Variants in KIF1B observed in about 807,000 individuals in gnomAD.
The protein encoded by KIF1B is kinesin-like protein KIF1B.
KIF1B carries 76 observed loss-of-function variants against 241.9 expected under a neutral mutation model. The observed-to-expected ratio is 0.31, with a 90% CI of 0.26 to 0.38. The LOEUF (loss-of-function observed/expected upper bound fraction) is 0.38, where lower values mean the gene tolerates loss of function less well. Ranked by LOEUF, KIF1B falls within the 10% of genes least tolerant of loss-of-function variation. The probability of loss-of-function intolerance (pLI) is 1.00; values close to 1 mark genes in which losing one functional copy is unlikely to be tolerated. For synonymous variants in KIF1B, 750 were observed against 796.7 expected (o/e 0.94, Z 0.99); for missense variants, 1,622 against 2,271.4 (o/e 0.71, Z 5.81).
intron 36 of KIF1B, among the ~76,000 whole-genome samples, chr1:10,348,066 T>C (rs1005650325): frequency 6.6e-6 from 1 of 152,210 alleles, no homozygotes; most frequent in Admixed American, 6.5e-5. Context: ...AAAAATATTT[T>C]GTTTCATTCA....
intron 45 of KIF1B, among the ~76,000 whole-genome samples, chr1:10,373,250 C>T (rs953894364): frequency 7.2e-6 from 1 of 138,700 alleles, no homozygotes; most frequent in African/African-American, 2.8e-5. Flanking sequence ...TGAGCCACTG[C>T]GCCGGCCTTT....
At position 10,303,600 on chromosome 1, in the gene KIF1B, C is replaced by T. The variant is rs763448385; in HGVS notation, c.2115+6354C>T. 2.8e-5 allele frequency: 46 copies of T among 1,614,106 alleles called. No homozygotes were observed. Among genetic ancestry groups the T allele is most frequent in the Non-Finnish European group, 2.4e-5 (28 of 1,180,028 alleles). ...GTGTTGGGGATGAGAAGATCGAAGA[C>T]GTCATGGCCACTGGGAAAGGCAGCA... On this transcript the variant is annotated intron_variant, in intron 22 of 48. Coordinates refer to ENST00000676179, the MANE Select transcript of KIF1B (RefSeq NM_001365951.3). The surrounding 1 kb of genome is among the most constrained non-coding windows in gnomAD (Gnocchi z 5.2).
intron 22 of KIF1B, among the ~76,000 whole-genome samples, chr1:10,300,288 C>CT (rs1362442226): frequency 7.5e-6 from 1 of 134,018 alleles, no homozygotes; most frequent in Non-Finnish European, 1.7e-5. Context: ...ATAAAAAATT[C>CT]TTTTTTTGAC....
At chr1:10,308,194 C>G (rs1445018017) in intron 22 of KIF1B, 3 of 1,061,752 alleles carry the variant, frequency 2.8e-6, no homozygotes, top group African/African-American at 1.6e-5. Flanking sequence ...GGCGGGGATG[C>G]TGCCTGTGTC....
In KIF1B at chr1:10,291,077, C is replaced by G; in HGVS notation, c.1435-5C>G. 1.2e-6 allele frequency: 2 copies of G among 1,611,530 alleles called. No individual in the cohort carries two copies. Among genetic ancestry groups the G allele is most frequent in the Non-Finnish European group, 1.7e-6 (2 of 1,178,106 alleles). Reference sequence around the variant, plus strand: ...GCCTCTTTAACTGTGCGCTTCCTTCCTTAGGAATCAGAGAAGATCATTGCT... The same window carrying G: ...GCCTCTTTAACTGTGCGCTTCCTTCGTTAGGAATCAGAGAAGATCATTGCT... On this transcript the variant is annotated splice_region_variant and splice_polypyrimidine_tract_variant and intron_variant, in intron 15 of 48. Transcript: ENST00000676179.
At chr1:10,304,207 G>T in intron 22 of KIF1B, 1 of 1,614,182 alleles carries the variant, frequency 6.2e-7, no homozygotes, top group Non-Finnish European at 8.5e-7. Flanking sequence ...CCAAGAAAAA[G>T]GGGGTAAAGG....
chr1:10,274,914 G>A (rs1370205339), intron 10 of KIF1B: 2 of 395,792 alleles, frequency 5.1e-6, no homozygotes, highest in African/African-American at 4.3e-5. Context: ...TTCCTTCACA[G>A]TAAGAAAAAG....
chr1:10,250,993 C>A (rs1234434734), intron 2 of KIF1B, among the ~76,000 whole-genome samples: 1 of 151,892 alleles, frequency 6.6e-6, no homozygotes, highest in Admixed American at 6.6e-5. Context: ...ATGGTGAAAC[C>A]CTGTCTCTAG....
chr1:10,232,155 CAG>C lies in KIF1B; in HGVS notation c.-79-93_-79-92del. Reference sequence around the variant, plus strand: ...TGAATATCGTTTTTATAAATGGAAACAGAAATAGAACTAAGATAGTAGTTCTT... The same window carrying C: ...TGAATATCGTTTTTATAAATGGAAACAAATAGAACTAAGATAGTAGTTCTT... On this transcript the variant is annotated intron_variant, in intron 1 of 48. Transcript: ENST00000676179. The C allele has an allele frequency of 2.0e-5, 12 of 589,982 alleles. No individual in the cohort carries two copies. The South Asian group carries it at 2.2e-4, about 11-fold the overall frequency. 36.5% of individuals were successfully genotyped at this position (589,982 alleles called of 1,614,324 possible).
Position 10,295,172 on chromosome 1 carries a change from T to G in KIF1B, c.1670+7T>G, listed in dbSNP as rs1287303863. 1 of 1,538,812 alleles carries G rather than the reference T, an allele frequency of 6.5e-7. No individual in the cohort carries two copies. The highest frequency in any genetic ancestry group is 1.7e-5 in the Admixed American group (1 of 59,912). ...TCAAAGATGGAATTACAAGGTATAT[T>G]TATTTCCTGTTTTGGTCACTTCGTG... On this transcript the variant is annotated splice_region_variant and intron_variant, in intron 18 of 48. Coordinates refer to ENST00000676179, the MANE Select transcript of KIF1B (RefSeq NM_001365951.3).
rs767174966 is a variant in KIF1B, at chr1:10,363,237, T to G, written c.4305-46T>G. ...TAGCAGAAATTGAAATTTTCCTGTT[T>G]TTGTGCTTTAAGAGATTAAACAATT... On this transcript the variant is annotated intron_variant, in intron 40 of 48. Coordinates refer to ENST00000676179, the MANE Select transcript of KIF1B (RefSeq NM_001365951.3). 113 of 1,462,280 alleles carry G rather than the reference T, an allele frequency of 7.7e-5. 1 individual carries two copies. The South Asian group carries it at 1.2e-3, about 15-fold the overall frequency. The allele number at this position is 1,462,280 out of a possible 1,614,324, so 90.6% of individuals were successfully genotyped here.
intron 5 of KIF1B, among the ~76,000 whole-genome samples, chr1:10,262,960 C>T (rs1217142992): frequency 6.6e-6 from 1 of 152,164 alleles, no homozygotes; most frequent in Non-Finnish European, 1.5e-5. Flanking sequence ...ACTTTATACA[C>T]ATTTGCTTAT....
intron 48 of KIF1B, 128 bp downstream of exon 48, chr1:10,375,501 AG>A: frequency 1.3e-6 from 1 of 765,490 alleles, no homozygotes; most frequent in Admixed American, 1.9e-5. Context: ...CTCCTGACTC[AG>A]CCTCCCCAGT....
intron 43 of KIF1B, among the ~76,000 whole-genome samples, chr1:10,366,785 A>G (rs887798231): frequency 1.3e-5 from 2 of 152,152 alleles, no homozygotes; most frequent in Admixed American, 6.5e-5. Flanking sequence ...ATCCTGGCCA[A>G]CATGGTGAAA....
intron 23 of KIF1B, among the ~76,000 whole-genome samples, chr1:10,320,636 C>A (rs769754220): frequency 7.2e-5 from 11 of 152,196 alleles, no homozygotes; most frequent in African/African-American, 2.4e-4. Flanking sequence ...TACCACAATT[C>A]GTTTTTCTAC....
rs758132002 is a variant in KIF1B at position 10,272,344 on chromosome 1, G to C, written c.864+38G>C. On this transcript the variant is annotated intron_variant, in intron 9 of 48. Coordinates refer to ENST00000676179, the MANE Select transcript of KIF1B (RefSeq NM_001365951.3). ...CTTCATTATAAGGGGAGTTGTGTCT[G>C]TTCAGCAAATATACTTGATGATATT... The C allele has an allele frequency of 4.0e-6, 5 of 1,238,856 alleles. No homozygotes were observed. The African/African-American group carries it at 7.4e-5, about 18-fold the overall frequency. The allele number at this position is 1,238,856 out of a possible 1,614,324, so 76.7% of individuals were successfully genotyped here.
rs1271941970 is a variant in KIF1B, at chr1:10,295,777, C to G, written c.1777+11C>G. The G allele has an allele frequency of 9.4e-6, 15 of 1,595,358 alleles. No homozygotes were observed. Among genetic ancestry groups the G allele is most frequent in the Non-Finnish European group, 1.3e-5 (15 of 1,163,568 alleles). On this transcript the variant is annotated intron_variant, in intron 19 of 48. Transcript: ENST00000676179. The stretch of plus-strand genomic sequence containing the variant: ...GCAACAGCGGGGAAGGTGAGCATTC[C>G]TGGCTGGAGCTTCAGCAACAACATT...
At chr1:10,357,053 A>T (rs1389731250) in intron 38 of KIF1B, among the ~76,000 whole-genome samples, 1 of 152,014 alleles carries the variant, frequency 6.6e-6, no homozygotes, top group Admixed American at 6.6e-5. Flanking sequence ...CTAATTTAAA[A>T]TTTTTTTGTA....
At chr1:10,230,226 G>C (rs910141644) in intron 1 of KIF1B, among the ~76,000 whole-genome samples, 1 of 152,090 alleles carries the variant, frequency 6.6e-6, no homozygotes. Flanking sequence ...GGAACACATC[G>C]GTTATGGTGT....
Sources: gnomAD v4.1 joint callset for allele counts (sites outside exome capture counted in the v4.1 genomes callset) on GRCh38, gnomAD v4.1.1 for gene constraint, Gnocchi (gnomAD v3.1) non-coding constraint, MANE v1.5 for transcripts, NCBI Gene and HGNC (gene_info 2026-07-23, HGNC 2026-07-21) for gene names.